PSG3: variants seen among roughly 807,000 people sequenced by gnomAD.
The protein encoded by PSG3 is pregnancy-specific beta-1-glycoprotein 3.
PSG3 carries 61 observed loss-of-function variants against 47.5 expected under a neutral mutation model. The ratio of observed to expected loss-of-function variants is 1.28; its 90% confidence interval spans 1.05 to 1.59. The LOEUF (loss-of-function observed/expected upper bound fraction) is 1.59, where lower values mean the gene tolerates loss of function less well. PSG3 is among the 40% of genes most tolerant of loss of function. PSG3 has a pLI of 0.00. For synonymous variants in PSG3, 263 were observed against 198.4 expected (o/e 1.33, Z -2.74); for missense variants, 756 against 524.0 (o/e 1.44, Z -4.32).
At chr19:42,739,443 A>AC (rs1178262980) in intron 1 of PSG3, 1 of 250,508 alleles carries the variant, frequency 4.0e-6, no homozygotes, top group Non-Finnish European at 7.6e-6. Flanking sequence ...TCCTTCAGAG[A>AC]CCCTGGGTCT....
Position 42,738,867 on chromosome 19 carries a change from C to G in PSG3, c.287G>C (p.Ser96Thr). 2 of 1,614,132 alleles carry G rather than the reference C, an allele frequency of 1.2e-6. No individual in the cohort carries two copies. The highest frequency in any genetic ancestry group is 1.7e-6 in the Non-Finnish European group (2 of 1,180,002). ...ATTGGAATATACTGTTTCTCGTCCA[C>G]TGTATGCAGGCCCATATATAATTAT... ...GQIIIYGPAY[S>T]GRETVYSNAS... The change falls in exon 2 of 7, where the codon AGT becomes ACT. Residue 96 changes from serine (S) to threonine (T), a missense_variant. Coordinates refer to ENST00000327495, the MANE Select transcript of PSG3 (RefSeq NM_021016.4).
chr19:42,736,099 G>A (rs1422259143), intron 2 of PSG3, among the ~76,000 whole-genome samples: 2 of 152,206 alleles, frequency 1.3e-5, no homozygotes, highest in African/African-American at 4.8e-5. Context: ...ACTTTGCCCA[G>A]GGACTGCCTT....
chr19:42,732,914 C>G lies in PSG3; in HGVS notation c.579G>C (p.Leu193Phe). The G allele has an allele frequency of 1.2e-6, 2 of 1,614,104 alleles. No individual in the cohort carries two copies. The highest frequency in any genetic ancestry group is 1.7e-6 in the Non-Finnish European group (2 of 1,179,994). ...GGGTCCTTTTGTTTTTGGACAACTG[C>G]AAGCTGTGAGTCATAGGGAGGCTCT... ...NGQSLPMTHS[L>F]QLSKNKRTLF... The change falls in exon 3 of 7, where the codon TTG becomes TTC. Residue 193 changes from leucine (L) to phenylalanine (F), a missense_variant. Transcript: ENST00000327495.
At chr19:42,738,671 G>T in intron 2 of PSG3, 53 bp downstream of exon 2, 3 of 1,612,272 alleles carry the variant, frequency 1.9e-6, no homozygotes, top group Non-Finnish European at 1.7e-6. Context: ...TCCTTTGTGT[G>T]TGAAGTAAAG....
intron 5 of PSG3, among the ~76,000 whole-genome samples, chr19:42,728,867 C>T (rs774581053): frequency 2.6e-5 from 4 of 152,140 alleles, no homozygotes; most frequent in Admixed American, 6.5e-5. Context: ...TCCTCTTCTA[C>T]CACATAGGGC....
Position 42,740,349 on chromosome 19 carries a change from G to A in PSG3, c.36C>T (p.Arg12=), listed in dbSNP as rs752870695. The A allele has an allele frequency of 9.3e-6, 15 of 1,613,994 alleles. No homozygotes were observed. The East Asian group carries it at 2.5e-4, about 26-fold the overall frequency. The change falls in exon 1 of 7, where the codon CGC becomes CGT. Residue 12 remains arginine, a synonymous_variant. Transcript: ENST00000327495. ...TGAGCAGGAGCCCCTTCCAGGTGAT[G>A]CGCTGTGTGCAGGGAGGGGCTGAGA... ...GPLSAPPCTQ[R]ITWKGLLLTA...
chr19:42,725,285 T>G lies in PSG3; in HGVS notation c.1244-1260A>C, dbSNP rs533327159. Among the ~76,000 whole-genome samples the G allele has an allele frequency of 5.9e-5, 9 of 152,262 alleles. No homozygotes were observed. The South Asian group carries it at 1.7e-3, about 28-fold the overall frequency. ...AGAAATTGAGTCTTGTGCAAGAAAT[T>G]TATAACTGTAAACTCTTACATTAAA... On this transcript the variant is annotated intron_variant, in intron 5 of 6. Coordinates refer to ENST00000327495, the MANE Select transcript of PSG3 (RefSeq NM_021016.4).
chr19:42,728,213 A>C (rs1054248353), intron 5 of PSG3, among the ~76,000 whole-genome samples: 2 of 152,220 alleles, frequency 1.3e-5, no homozygotes, highest in African/African-American at 2.4e-5. Flanking sequence ...GTTACACAAC[A>C]CTAAATTGCA....
At chr19:42,733,884 C>G (rs548913577) in intron 2 of PSG3, among the ~76,000 whole-genome samples, 44 of 152,176 alleles carry the variant, frequency 2.9e-4, no homozygotes, top group Admixed American at 5.2e-4. Context: ...AATGCAGAAC[C>G]GACTGGTGGA....
chr19:42,738,412 C>T (rs1969602657), intron 2 of PSG3, among the ~76,000 whole-genome samples: 1 of 152,174 alleles, frequency 6.6e-6, no homozygotes, highest in Non-Finnish European at 1.5e-5. Flanking sequence ...ACTCAGTTTG[C>T]CAGGGTCTTT....
intron 5 of PSG3, among the ~76,000 whole-genome samples, chr19:42,724,370 G>A (rs1033324073): frequency 6.6e-6 from 1 of 152,128 alleles, no homozygotes; most frequent in East Asian, 1.9e-4. Flanking sequence ...CTCTGTTGTG[G>A]CAGTCATGAA....
chr19:42,734,294 G>A (rs1178649614), intron 2 of PSG3: 2 of 152,154 alleles, frequency 1.3e-5, no homozygotes, highest in South Asian at 2.1e-4. Context: ...TACAGTACAT[G>A]TACTGGTTTA....
In PSG3 at chr19:42,729,135, C is replaced by A; in HGVS notation, c.1231G>T (p.Val411Phe). Residue 411 changes from valine to phenylalanine, a missense_variant, in exon 5 of 7, where the codon GTC becomes TTC. By Grantham distance (50) the Val-to-Phe change is conservative (BLOSUM62 -1). Transcript: ENST00000327495. ...TGMESSKSMTVKVSAPSGTGH... is the reference protein window; with the variant it reads ...TGMESSKSMTFKVSAPSGTGH... The stretch of plus-strand genomic sequence containing the variant: ...GGGATCCACTTACCAGAGACTTTGA[C>A]TGTCATGGATTTGGAGCTTTCCATG... 1 of 1,614,032 alleles carries A rather than the reference C, an allele frequency of 6.2e-7. No individual in the cohort carries two copies. The highest frequency in any genetic ancestry group is 8.5e-7 in the Non-Finnish European group (1 of 1,179,872).
At chr19:42,737,688 A>G (rs1445941200) in intron 2 of PSG3, among the ~76,000 whole-genome samples, 1 of 152,200 alleles carries the variant, frequency 6.6e-6, no homozygotes, top group Non-Finnish European at 1.5e-5. Flanking sequence ...ATTGGAACCC[A>G]GTAAGCCCTC....
At chr19:42,734,208 C>G in intron 2 of PSG3, 1 of 152,170 alleles carries the variant, frequency 6.6e-6, no homozygotes, top group East Asian at 1.9e-4. Context: ...ATAGTTCATA[C>G]AGATAAAGTG....
intron 2 of PSG3, among the ~76,000 whole-genome samples, chr19:42,736,612 TTGTGTGTGTGTGTGTGTG>T (rs61479007): frequency 2.7e-4 from 37 of 138,744 alleles, no homozygotes; most frequent in African/African-American, 7.6e-4. Flanking sequence ...TTCAATACAT[TTGTGTGTGTGTGTGTGTG>T]TGTGTGTGTG....
At position 42,739,034 on chromosome 19, in the gene PSG3, G is replaced by A. The variant is rs145576404; in HGVS notation, c.120C>T (p.Ala40=). ...TCCCCTTGGAAACTTTGGTTGGCTC[G>A]GCTTCAATCGTGACTTGGGCAGTGG... ...LPTTAQVTIE[A]EPTKVSKGKD... is the part of the protein sequence containing the mutation. Residue 40 remains alanine, a synonymous_variant, in exon 2 of 7, where the codon GCC becomes GCT. Coordinates refer to ENST00000327495, the MANE Select transcript of PSG3 (RefSeq NM_021016.4). The A allele has an allele frequency of 1.9e-5, 30 of 1,613,500 alleles. No individual in the cohort carries two copies. Among genetic ancestry groups the A allele is most frequent in the African/African-American group, 1.1e-4 (8 of 74,928 alleles).
chr19:42,724,239 T>C (rs879503987), intron 5 of PSG3, among the ~76,000 whole-genome samples: 25 of 152,196 alleles, frequency 1.6e-4, no homozygotes, highest in Non-Finnish European at 2.2e-4. Context: ...CTCTGTCAAT[T>C]CTCTACTGTG....
rs1969609683 is a variant in PSG3, at chr19:42,738,755, T to G, written c.399A>C (p.Gly133=). Residue 133 remains glycine, a synonymous_variant, in exon 2 of 7, where the codon GGA becomes GGC. Coordinates refer to ENST00000327495, the MANE Select transcript of PSG3 (RefSeq NM_021016.4). ...HIVKRGDGTR[G]ETGHFTFTLY... ...AGGTGAAGGTGAAATGTCCAGTTTC[T>G]CCTCTAGTCCCATCACCTCGCTTTA... is the stretch of plus-strand genomic sequence containing the variant. 5 of 1,613,924 alleles carry G rather than the reference T, an allele frequency of 3.1e-6. No homozygotes were observed. The highest frequency in any genetic ancestry group is 4.2e-6 in the Non-Finnish European group (5 of 1,179,870).
Sources: gnomAD v4.1 joint callset for allele counts (sites outside exome capture counted in the v4.1 genomes callset) on GRCh38, gnomAD v4.1.1 for gene constraint, MANE v1.5 for transcripts, NCBI Gene and HGNC (gene_info 2026-07-23, HGNC 2026-07-21) for gene names.